The following DIAPH2 variants were observed in gnomAD, a reference collection of about 807,000 sequenced individuals.
DIAPH2 encodes diaphanous related formin 2.
A neutral mutation model predicts 92.7 loss-of-function variants in DIAPH2; 35 were observed. That is an observed-to-expected ratio of 0.38 (90% confidence interval 0.29 to 0.50). The LOEUF is 0.50. Ranked by LOEUF, DIAPH2 falls within the 20% of genes least tolerant of loss-of-function variation. The pLI is 0.94. For synonymous variants in DIAPH2, 301 were observed against 280.4 expected (o/e 1.07, Z -0.73); for missense variants, 701 against 819.5 (o/e 0.86, Z 1.77).
intron 26 of DIAPH2, among the ~76,000 whole-genome samples, chrX:97,473,966 C>A: frequency 8.9e-6 from 1 of 112,140 alleles, no homozygotes; most frequent in Non-Finnish European, 1.9e-5. Context: ...TCAAAAACCA[C>A]AAGAAAAACA....
intron 10 of DIAPH2, among the ~76,000 whole-genome samples, chrX:96,932,257 A>T (rs1369882505): frequency 9.0e-6 from 1 of 110,837 alleles, no homozygotes; most frequent in Non-Finnish European, 1.9e-5. Context: ...TTAATATGCC[A>T]TGTTTTCTGC....
intron 23 of DIAPH2, among the ~76,000 whole-genome samples, chrX:97,290,174 A>G (rs991249566): frequency 6.4e-5 from 7 of 109,941 alleles, no homozygotes; most frequent in Non-Finnish European, 1.3e-4. Context: ...TGGAAAATGC[A>G]ATAGAATTCT....
intron 26 of DIAPH2, among the ~76,000 whole-genome samples, chrX:97,553,405 A>G (rs1014567010): frequency 8.9e-6 from 1 of 111,983 alleles, no homozygotes; most frequent in Non-Finnish European, 1.9e-5. Context: ...TGTATTGATA[A>G]GAATTTTTTT....
chrX:97,587,833 T>A (rs2071489104), intron 26 of DIAPH2, among the ~76,000 whole-genome samples: 1 of 112,213 alleles, frequency 8.9e-6, no homozygotes, highest in Non-Finnish European at 1.9e-5. Context: ...TACTTTATTG[T>A]TTCATTACTA....
intron 23 of DIAPH2, among the ~76,000 whole-genome samples, chrX:97,338,628 C>T (rs1327425648): frequency 9.0e-6 from 1 of 111,673 alleles, no homozygotes; most frequent in East Asian, 2.8e-4. Context: ...TTCAACAATC[C>T]AGCAGTAATG....
chrX:96,718,336 GTTTTTTTTTTTTTTTTTTTTTTTTTTTTT>G (rs962776012), intron 1 of DIAPH2, among the ~76,000 whole-genome samples: 1 of 10,987 alleles, frequency 9.1e-5, no homozygotes, highest in Non-Finnish European at 1.4e-4. Flanking sequence ...CATTTTCTTT[GTTTTTTTTTTTTTTTTTTTTTTTTTTTTT>G]TTTTTTTTTA....
intron 26 of DIAPH2, among the ~76,000 whole-genome samples, chrX:97,585,722 G>A (rs2071475668): frequency 9.0e-6 from 1 of 111,380 alleles, no homozygotes; most frequent in African/African-American, 3.3e-5. Flanking sequence ...CCAAGTGTAA[G>A]TTATATTCAT....
At position 97,209,640 on chromosome X, in the gene DIAPH2, TTC is replaced by T. The variant is rs1054636415; in HGVS notation, c.2720-38073_2720-38072del. Among the ~76,000 whole-genome samples, 90 of 111,485 alleles carry T rather than the reference TTC, an allele frequency of 8.1e-4. No individual in the cohort carries two copies. The Middle Eastern group carries it at 0.03, about 37-fold the overall frequency. On this transcript the variant is annotated intron_variant, in intron 22 of 26. Coordinates refer to ENST00000324765, the MANE Select transcript of DIAPH2 (RefSeq NM_006729.5). ...AATATTTGTTGCAAATGTTTTCCTA[TTC>T]TGTTTATTTTAATTACAGTTAATTA...
intron 26 of DIAPH2, chrX:97,533,258 C>T (rs770716374): frequency 9.0e-6 from 1 of 111,394 alleles, no homozygotes; most frequent in East Asian, 2.8e-4. Context: ...TAATGTAATA[C>T]TTCCATCTAA....
intron 3 of DIAPH2, among the ~76,000 whole-genome samples, chrX:96,753,017 T>C: frequency 9.0e-6 from 1 of 111,556 alleles, no homozygotes; most frequent in East Asian, 2.8e-4. Context: ...GTGTGTGCCA[T>C]TAAAAACTGA....
intron 9 of DIAPH2, among the ~76,000 whole-genome samples, chrX:96,927,966 A>G (rs1569428597): frequency 9.0e-6 from 1 of 111,383 alleles, no homozygotes; most frequent in East Asian, 2.8e-4. Context: ...TAATTAACCT[A>G]TAGTTTTAAA....
At chrX:97,015,528 A>G (rs1243504581) in intron 17 of DIAPH2, among the ~76,000 whole-genome samples, 1 of 111,665 alleles carries the variant, frequency 9.0e-6, no homozygotes, top group Non-Finnish European at 1.9e-5. Flanking sequence ...AGTATCCAAT[A>G]TGCTGACCTT....
intron 5 of DIAPH2, among the ~76,000 whole-genome samples, chrX:96,903,360 G>A (rs750111593): frequency 5.4e-5 from 6 of 111,499 alleles, no homozygotes; most frequent in Non-Finnish European, 5.7e-5. Context: ...TTTGGAATAC[G>A]TTTACTTTAA....
chrX:97,358,242 G>A (rs1370786455), intron 24 of DIAPH2, among the ~76,000 whole-genome samples: 1 of 111,879 alleles, frequency 8.9e-6, no homozygotes, highest in Non-Finnish European at 1.9e-5. Flanking sequence ...CTTGCCTGGT[G>A]TTAATTTAGG....
At chrX:96,691,691 T>C (rs1286744369) in intron 1 of DIAPH2, among the ~76,000 whole-genome samples, 1 of 112,357 alleles carries the variant, frequency 8.9e-6, no homozygotes. Context: ...TTTGGTTTAC[T>C]GAAGATTTTA....
chrX:97,352,310 T>A (rs1004025309), intron 24 of DIAPH2, among the ~76,000 whole-genome samples: 7 of 110,758 alleles, frequency 6.3e-5, no homozygotes, highest in African/African-American at 2.0e-4. Context: ...ATGGGGCAAA[T>A]ACAAATAAAA....
intron 23 of DIAPH2, among the ~76,000 whole-genome samples, chrX:97,264,606 A>G (rs1210411293): frequency 1.8e-5 from 2 of 112,688 alleles, no homozygotes; most frequent in Non-Finnish European, 1.9e-5. Context: ...TAGAAAAGTT[A>G]TGTGGCATCA....
intron 17 of DIAPH2, among the ~76,000 whole-genome samples, chrX:96,987,199 A>G (rs911460696): frequency 9.0e-6 from 1 of 111,623 alleles, no homozygotes; most frequent in South Asian, 3.7e-4. Context: ...ATGTTTGGGT[A>G]TTAGGAGCTA....
At chrX:97,332,186 C>T (rs1264315178) in intron 23 of DIAPH2, among the ~76,000 whole-genome samples, 1 of 111,730 alleles carries the variant, frequency 9.0e-6, no homozygotes, top group Non-Finnish European at 1.9e-5. Flanking sequence ...GATGTTAGTG[C>T]TTTCATTTTA....
Sources: allele counts gnomAD v4.1 joint callset (sites outside exome capture counted in the v4.1 genomes callset), GRCh38; gene constraint gnomAD v4.1.1; transcripts MANE v1.5; gene names NCBI Gene and HGNC (gene_info 2026-07-23, HGNC 2026-07-21).